Variants in CHST11 observed in about 807,000 individuals in gnomAD.
CHST11 encodes carbohydrate sulfotransferase 11, also known as C4S-1.
Under a neutral mutation model 30.4 loss-of-function variants are expected in CHST11, and 9 were observed. That is an observed-to-expected ratio of 0.30 (90% CI 0.18 to 0.52). CHST11 has a LOEUF of 0.52. CHST11 is among the 20% of genes least tolerant of loss of function. CHST11 has a pLI of 0.97. For missense variants in CHST11, 348 were observed against 460.6 expected (o/e 0.76, Z 2.24); for synonymous variants, 152 against 187.8 (o/e 0.81, Z 1.56).
intron 1 of CHST11, among the ~76,000 whole-genome samples, chr12:104,470,147 C>A (rs1433405494): frequency 1.3e-5 from 2 of 152,180 alleles, no homozygotes; most frequent in East Asian, 3.8e-4. Context: ...GGATAGACTT[C>A]CCCACAACAA....
chr12:104,575,123 G>A (rs2136027204), intron 1 of CHST11, among the ~76,000 whole-genome samples: 1 of 151,990 alleles, frequency 6.6e-6, no homozygotes, highest in Non-Finnish European at 1.5e-5. Flanking sequence ...AACCCAGGAG[G>A]CAGAGGTTGC....
chr12:104,475,658 TTATATATATATATATA>T (rs67453124), intron 1 of CHST11, among the ~76,000 whole-genome samples: 23 of 34,164 alleles, frequency 6.7e-4, no homozygotes, highest in Admixed American at 6.2e-3. Context: ...TAAAGCAGCA[TTATATATATATATATA>T]TATATATATA....
chr12:104,512,765 A>G (rs1364692916), intron 1 of CHST11, among the ~76,000 whole-genome samples: 2 of 152,106 alleles, frequency 1.3e-5, no homozygotes, highest in Non-Finnish European at 2.9e-5. Flanking sequence ...AGGGGAAAGC[A>G]TTTTGGAGAT....
intron 1 of CHST11, among the ~76,000 whole-genome samples, chr12:104,470,496 T>C (rs563930752): frequency 2.6e-5 from 4 of 152,248 alleles, no homozygotes; most frequent in African/African-American, 9.6e-5. Context: ...CCTTGACACA[T>C]GGGGATTATT....
At chr12:104,528,555 T>A (rs2038150405) in intron 1 of CHST11, among the ~76,000 whole-genome samples, 1 of 152,204 alleles carries the variant, frequency 6.6e-6, no homozygotes, top group Non-Finnish European at 1.5e-5. Context: ...GCTTGGGGAC[T>A]GGGTGGCCAG....
chr12:104,621,195 T>TG lies in CHST11; in HGVS notation c.204+19209dup, dbSNP rs2039155746. On this transcript the variant is annotated intron_variant, in intron 2 of 2. Coordinates refer to ENST00000303694, the MANE Select transcript of CHST11 (RefSeq NM_018413.6). ...CTCACAGACCACAGCCCCCAGTTTG[T>TG]GGGGGCATCTTGATCAAGGCCTAGG... Among the ~76,000 whole-genome samples, 6 of 152,192 alleles carry TG rather than the reference T, an allele frequency of 3.9e-5. No individual in the cohort carries two copies. In the South Asian group the frequency reaches 1.2e-3, roughly 32 times the overall value.
Position 104,597,453 on chromosome 12 carries a change from C to A in CHST11, c.119-4453C>A, listed in dbSNP as rs764497001. ...GGATTTCTTTTGCGGGGCTTTTGAT[C>A]ATCAGACCTTTCATTTTTCAAAGGA... On this transcript the variant is annotated intron_variant, in intron 1 of 2. Transcript: ENST00000303694. 3.3e-5 allele frequency among the ~76,000 whole-genome samples: 5 copies of A among 152,078 alleles called. No homozygotes were observed. The South Asian group carries it at 6.2e-4, about 19-fold the overall frequency.
Position 104,676,833 on chromosome 12 carries a change from C to T in CHST11, c.204+74842C>T, listed in dbSNP as rs181800290. 5.8e-3 allele frequency among the ~76,000 whole-genome samples: 891 copies of T among 152,318 alleles called. 3 individuals carry two copies. Among genetic ancestry groups the T allele is most frequent in the Non-Finnish European group, 9.6e-3 (656 of 68,030 alleles). On this transcript the variant is annotated intron_variant, in intron 2 of 2. Transcript: ENST00000303694. The surrounding 1 kb of genome is among the most constrained non-coding windows in gnomAD (Gnocchi z 4.4). ...CCATGGAAGGTCACATTCACAGGTT[C>T]CAGGGATTAGGATGCGGCCTTTTGG...
intron 2 of CHST11, among the ~76,000 whole-genome samples, chr12:104,731,824 A>G (rs977530641): frequency 5.3e-5 from 8 of 152,224 alleles, no homozygotes; most frequent in African/African-American, 7.2e-5. Flanking sequence ...TTTTGCACCA[A>G]CGCAACTGCG....
At chr12:104,609,442 T>C (rs182809176) in intron 2 of CHST11, among the ~76,000 whole-genome samples, 62 of 152,350 alleles carry the variant, frequency 4.1e-4, no homozygotes, top group African/African-American at 1.4e-3. Flanking sequence ...GACAGTGAAC[T>C]ACCTCTTTCA....
intron 2 of CHST11, among the ~76,000 whole-genome samples, chr12:104,724,893 T>G (rs932980850): frequency 2.0e-5 from 3 of 152,236 alleles, no homozygotes; most frequent in Admixed American, 1.3e-4. Context: ...ATACTCATAC[T>G]AAAATGATCT....
At chr12:104,658,073 C>T (rs917929130) in intron 2 of CHST11, among the ~76,000 whole-genome samples, 3 of 152,334 alleles carry the variant, frequency 2.0e-5, no homozygotes, top group African/African-American at 7.2e-5. Context: ...GTTTTACAAG[C>T]ATGCTGTGTG....
chr12:104,703,090 G>A (rs1406740141), intron 2 of CHST11, among the ~76,000 whole-genome samples: 3 of 152,180 alleles, frequency 2.0e-5, no homozygotes, highest in Non-Finnish European at 2.9e-5. Flanking sequence ...TGCCTGCTGC[G>A]TGCCTGCTGG....
At chr12:104,646,705 C>A (rs1023738661) in intron 2 of CHST11, among the ~76,000 whole-genome samples, 14 of 152,184 alleles carry the variant, frequency 9.2e-5, no homozygotes, top group Non-Finnish European at 2.9e-5. Context: ...CTCAAAAAGA[C>A]AAAATAACTT....
Position 104,488,740 on chromosome 12 carries a change from CGTGTGTGT to C in CHST11, c.118+31236_118+31243del, listed in dbSNP as rs56383997. Among the ~76,000 whole-genome samples the C allele has an allele frequency of 9.7e-3, 1,422 of 145,852 alleles. 11 individuals carry two copies. The highest frequency in any genetic ancestry group is 0.016 in the Non-Finnish European group (1,036 of 66,380). ...GTGCGTGTATGTGTGTATGTGTACG[CGTGTGTGT>C]GTGTGTGTGTGTGTGTGTGTGTGTC... On this transcript the variant is annotated intron_variant, in intron 1 of 2. Coordinates refer to ENST00000303694, the MANE Select transcript of CHST11 (RefSeq NM_018413.6).
chr12:104,638,133 C>T (rs1169801182), intron 2 of CHST11, among the ~76,000 whole-genome samples: 3 of 151,462 alleles, frequency 2.0e-5, no homozygotes, highest in Non-Finnish European at 4.4e-5. Flanking sequence ...ACCTTGGAAG[C>T]AGGGGAAAAG....
At chr12:104,482,603 C>A (rs577253775) in intron 1 of CHST11, among the ~76,000 whole-genome samples, 1 of 152,156 alleles carries the variant, frequency 6.6e-6, no homozygotes, top group East Asian at 1.9e-4. Context: ...AGATTTTGGT[C>A]CTTTGAGCAA....
chr12:104,641,292 A>G (rs1215921326), intron 2 of CHST11, among the ~76,000 whole-genome samples: 1 of 152,194 alleles, frequency 6.6e-6, no homozygotes, highest in African/African-American at 2.4e-5. Context: ...TGTCACATGG[A>G]CCATCCACTG....
intron 2 of CHST11, among the ~76,000 whole-genome samples, chr12:104,611,660 G>A (rs1035380182): frequency 4.6e-5 from 7 of 152,168 alleles, no homozygotes; most frequent in African/African-American, 7.2e-5. Context: ...GTGCAGAGGC[G>A]GCTGGCCATC....
Sources: gnomAD v4.1 joint callset for allele counts (sites outside exome capture counted in the v4.1 genomes callset) on GRCh38, gnomAD v4.1.1 for gene constraint, Gnocchi (gnomAD v3.1) non-coding constraint, MANE v1.5 for transcripts, NCBI Gene and HGNC (gene_info 2026-07-23, HGNC 2026-07-21) for gene names.